Variants in PTPRN2 observed in about 807,000 individuals in gnomAD.
PTPRN2 encodes the protein receptor-type tyrosine-protein phosphatase N2.
In PTPRN2, 74 loss-of-function variants were observed where a neutral mutation model predicts 118.8. The observed-to-expected ratio is 0.62, with a 90% CI of 0.52 to 0.76. The LOEUF (loss-of-function observed/expected upper bound fraction) is 0.76. Among genes scored for constraint, PTPRN2 ranks in the 30% least tolerant of loss-of-function variants. PTPRN2 has a pLI of 0.00. For synonymous variants in PTPRN2, 641 were observed against 608.0 expected, an observed-to-expected ratio of 1.05 and a Z score of -0.80; for missense variants, 1,481 against 1,394.4, an observed-to-expected ratio of 1.06 and a Z score of -0.99.
chr7:158,080,605 G>C (rs1413081627), intron 11 of PTPRN2, among the ~76,000 whole-genome samples: 1 of 147,988 alleles, frequency 6.8e-6, no homozygotes, highest in East Asian at 2.0e-4. Context: ...GGCAGGTTGA[G>C]GAAAATGCAA....
At chr7:158,235,209 GAACT>G (rs1829454852) in intron 3 of PTPRN2, among the ~76,000 whole-genome samples, 1 of 152,150 alleles carries the variant, frequency 6.6e-6, no homozygotes, top group Non-Finnish European at 1.5e-5. Flanking sequence ...AGTGAAACTA[GAACT>G]AACATATGAT....
rs36170214 is a variant in PTPRN2, at chr7:158,522,165, G to C, written c.113-32380C>G. The stretch of plus-strand genomic sequence containing the variant: ...GAGGGAGGTCCACGTCACAATGGTG[G>C]ACTGTCCGGGTACTGGCTCGGGAGG... On this transcript the variant is annotated intron_variant, in intron 1 of 22. Coordinates refer to ENST00000389418, the MANE Select transcript of PTPRN2 (RefSeq NM_002847.5). 2.6e-4 allele frequency among the ~76,000 whole-genome samples: 21 copies of C among 80,100 alleles called. No homozygotes were observed. The East Asian group carries it at 2.9e-3, about 11-fold the overall frequency. The allele number at this position is 80,100 out of a possible 152,430, so 52.5% of individuals were successfully genotyped here.
At position 158,271,987 on chromosome 7, in the gene PTPRN2, T is replaced by C. The variant is rs145073381; in HGVS notation, c.277+44832A>G. 2.1e-3 allele frequency among the ~76,000 whole-genome samples: 327 copies of C among 152,328 alleles called. 4 individuals are homozygous for C. The highest frequency in any genetic ancestry group is 1.2e-3 in the East Asian group (6 of 5,188). ...GTGACTAATAAGTAATTTGTACTTA[T>C]ATACAAAAATGAATTCGTTTGACAT... On this transcript the variant is annotated intron_variant, in intron 3 of 22. Coordinates refer to ENST00000389418, the MANE Select transcript of PTPRN2 (RefSeq NM_002847.5).
At chr7:157,873,079 C>T (rs1398544133) in intron 12 of PTPRN2, among the ~76,000 whole-genome samples, 2 of 152,252 alleles carry the variant, frequency 1.3e-5, no homozygotes, top group African/African-American at 4.8e-5. Context: ...GTATGTCCCT[C>T]ACCCGAGCCC....
intron 3 of PTPRN2, among the ~76,000 whole-genome samples, chr7:158,311,785 A>G (rs1408083624): frequency 6.6e-6 from 1 of 152,232 alleles, no homozygotes; most frequent in Non-Finnish European, 1.5e-5. Flanking sequence ...TGGAATCCTG[A>G]AAAACCTGCA....
At chr7:157,736,227 T>C (rs925849139) in intron 12 of PTPRN2, among the ~76,000 whole-genome samples, 5 of 152,204 alleles carry the variant, frequency 3.3e-5, no homozygotes, top group Admixed American at 6.5e-5. Flanking sequence ...GCCTCTGTGT[T>C]CCAGGCTTAA....
intron 11 of PTPRN2, among the ~76,000 whole-genome samples, chr7:158,046,732 A>G (rs532243981): frequency 4.6e-5 from 7 of 152,224 alleles, no homozygotes; most frequent in African/African-American, 1.7e-4. Context: ...CCTGTTAGCC[A>G]CCTTGGCATG....
chr7:158,357,741 G>A (rs570379619), intron 2 of PTPRN2, among the ~76,000 whole-genome samples: 2 of 152,356 alleles, frequency 1.3e-5, no homozygotes, highest in East Asian at 3.9e-4. Flanking sequence ...GACCATTCCG[G>A]GGAGAAAGAA....
At chr7:157,751,456 T>A (rs1488733543) in intron 12 of PTPRN2, among the ~76,000 whole-genome samples, 1 of 152,314 alleles carries the variant, frequency 6.6e-6, no homozygotes, top group East Asian at 1.9e-4. Flanking sequence ...GCTGAGCGTG[T>A]GCAGGGAAAG....
In PTPRN2 at chr7:157,551,867, T is replaced by C. The variant is rs1053320064; in HGVS notation, c.2903-2848A>G. Among the ~76,000 whole-genome samples the C allele has an allele frequency of 1.9e-3, 39 of 20,776 alleles. 1 individual carries two copies. Among genetic ancestry groups the C allele is most frequent in the African/African-American group, 2.9e-3 (16 of 5,464 alleles). 13.6% of individuals were successfully genotyped at this position (20,776 alleles called of 152,430 possible). Reference sequence around the variant, plus strand: ...CACCCCACAGCCAGCACGCACCCCATGGGCACCACGCACCCCACAGCCACC... The same window carrying C: ...CACCCCACAGCCAGCACGCACCCCACGGGCACCACGCACCCCACAGCCACC... On this transcript the variant is annotated intron_variant, in intron 21 of 22. Coordinates refer to ENST00000389418, the MANE Select transcript of PTPRN2 (RefSeq NM_002847.5).
At chr7:158,201,164 C>T (rs1232057546) in intron 4 of PTPRN2, among the ~76,000 whole-genome samples, 2 of 151,896 alleles carry the variant, frequency 1.3e-5, no homozygotes, top group Admixed American at 1.3e-4. Context: ...GATCCTCTCT[C>T]TCAGCCTCCT....
chr7:158,185,214 CTCTG>C (rs1266646560), intron 5 of PTPRN2, among the ~76,000 whole-genome samples: 9 of 151,886 alleles, frequency 5.9e-5, no homozygotes, highest in Non-Finnish European at 7.4e-5. Context: ...TAAAATCTTT[CTCTG>C]TATGATTTTG....
chr7:158,396,002 G>T (rs909708124), intron 2 of PTPRN2, among the ~76,000 whole-genome samples: 1 of 152,070 alleles, frequency 6.6e-6, no homozygotes, highest in Non-Finnish European at 1.5e-5. Flanking sequence ...GCGACCCATG[G>T]GGCAGAGCTG....
chr7:158,337,109 A>C (rs1483729469), intron 2 of PTPRN2, among the ~76,000 whole-genome samples: 3 of 151,762 alleles, frequency 2.0e-5, no homozygotes, highest in African/African-American at 4.8e-5. Context: ...TCTCACCATA[A>C]GAGCTGAGGC....
chr7:157,781,209 G>A (rs948001807), intron 12 of PTPRN2, among the ~76,000 whole-genome samples: 4 of 152,182 alleles, frequency 2.6e-5, no homozygotes, highest in South Asian at 2.1e-4. Flanking sequence ...TCCTTCCCAG[G>A]TCCACGGCTG....
intron 2 of PTPRN2, among the ~76,000 whole-genome samples, chr7:158,396,587 T>C (rs2151391749): frequency 6.6e-6 from 1 of 152,048 alleles, no homozygotes; most frequent in East Asian, 1.9e-4. Flanking sequence ...GCAGCCAGGA[T>C]GTTAGAGGCC....
chr7:157,624,289 C>T (rs1326608898), intron 14 of PTPRN2, among the ~76,000 whole-genome samples: 8 of 151,998 alleles, frequency 5.3e-5, no homozygotes, highest in African/African-American at 1.4e-4. Context: ...GGCATGGTGG[C>T]GGGCGCCTCT....
intron 3 of PTPRN2, among the ~76,000 whole-genome samples, chr7:158,307,425 T>C (rs1198926455): frequency 6.6e-6 from 1 of 151,552 alleles, no homozygotes; most frequent in Non-Finnish European, 1.5e-5. Flanking sequence ...TAATAAAAAA[T>C]TAGAAACCTG....
chr7:158,451,015 A>G (rs1818063662), intron 2 of PTPRN2, among the ~76,000 whole-genome samples: 1 of 152,202 alleles, frequency 6.6e-6, no homozygotes. Flanking sequence ...CTGCACCTGG[A>G]GCTGGTGCTT....
Sources: allele counts gnomAD v4.1 joint callset (sites outside exome capture counted in the v4.1 genomes callset), GRCh38; gene constraint gnomAD v4.1.1; transcripts MANE v1.5; gene names NCBI Gene and HGNC (gene_info 2026-07-23, HGNC 2026-07-21).